Variants in RTN4 observed in about 807,000 individuals in gnomAD.
The protein encoded by RTN4 is reticulon 4.
RTN4 carries 32 observed loss-of-function variants against 90.4 expected under a neutral mutation model. That is an observed-to-expected ratio of 0.35 (90% confidence interval 0.27 to 0.48). The LOEUF (loss-of-function observed/expected upper bound fraction) is 0.48, where lower values mean the gene tolerates loss of function less well. Among genes scored for constraint, RTN4 ranks in the 20% least tolerant of loss-of-function variants. RTN4 has a pLI of 0.99. For synonymous variants in RTN4, 629 were observed against 552.5 expected (o/e 1.14, Z -1.94); for missense variants, 1,706 against 1,430.2 (o/e 1.19, Z -3.11).
rs544577207 is a variant in RTN4 at position 54,972,320 on chromosome 2, ATGTT to A, written c.*832_*835del. The A allele has an allele frequency of 6.6e-6, 1 of 152,670 alleles. No homozygotes were observed. Among genetic ancestry groups the A allele is most frequent in the Non-Finnish European group, 1.5e-5 (1 of 68,032 alleles). 9.5% of individuals were successfully genotyped at this position (152,670 alleles called of 1,614,324 possible). A position where few individuals can be genotyped will look rare whatever the true frequency, so the allele number is the denominator to read the frequency against. ...GTAATTAATAATTTCTTGCATAACAATGTTTGATATTTGCAAACAAACAACATTT... is the reference window on the plus strand; with the variant it reads ...GTAATTAATAATTTCTTGCATAACAATGATATTTGCAAACAAACAACATTT... On this transcript the variant is annotated 3_prime_UTR_variant, in exon 9 of 9. Coordinates refer to ENST00000337526, the MANE Select transcript of RTN4 (RefSeq NM_020532.5).
upstream of RTN4, among the ~76,000 whole-genome samples, chr2:55,117,301 T>C (rs1192207891): frequency 6.6e-6 from 1 of 152,204 alleles, no homozygotes; most frequent in Non-Finnish European, 1.5e-5. Context: ...TGGTTGAATA[T>C]TGGGTTTCGA....
At chr2:55,068,421 C>G (rs1051716324) in intron 2 of RTN4, among the ~76,000 whole-genome samples, 4 of 152,054 alleles carry the variant, frequency 2.6e-5, no homozygotes, top group African/African-American at 9.7e-5. Context: ...ATCATCATTT[C>G]TTGCATCAGA....
At chr2:55,002,665 A>G (rs1481686558) in intron 3 of RTN4, among the ~76,000 whole-genome samples, 3 of 152,120 alleles carry the variant, frequency 2.0e-5, no homozygotes, top group East Asian at 3.9e-4. Flanking sequence ...AACCATGATA[A>G]TTTTCTCTTT....
At chr2:55,083,339 T>C (rs1224071650) in intron 1 of RTN4, among the ~76,000 whole-genome samples, 3 of 152,192 alleles carry the variant, frequency 2.0e-5, no homozygotes, top group African/African-American at 7.2e-5. Flanking sequence ...CTACTAAAAA[T>C]ACAAAAATTA....
At chr2:55,117,303 G>T (rs143815265), upstream of RTN4, among the ~76,000 whole-genome samples, 7 of 152,310 alleles carry the variant, frequency 4.6e-5, no homozygotes, top group African/African-American at 1.7e-4. Flanking sequence ...GTTGAATATT[G>T]GGTTTCGAGG....
intron 3 of RTN4, among the ~76,000 whole-genome samples, chr2:55,009,671 T>C (rs1239548488): frequency 6.6e-6 from 1 of 152,234 alleles, no homozygotes; most frequent in African/African-American, 2.4e-5. Flanking sequence ...AATATCTTGC[T>C]ACCTACAAAC....
chr2:55,112,745 T>C (rs780322363), upstream of RTN4: 6 of 152,270 alleles, frequency 3.9e-5, no homozygotes, highest in Non-Finnish European at 8.8e-5. Flanking sequence ...ACTCCAATTG[T>C]ATCATCAAAA....
At chr2:55,096,523 G>A (rs143988083) in intron 1 of RTN4, among the ~76,000 whole-genome samples, 3 of 152,200 alleles carry the variant, frequency 2.0e-5, no homozygotes, top group Non-Finnish European at 2.9e-5. Flanking sequence ...TATCTCCACA[G>A]TCTCAAGTCT....
chr2:55,107,701 A>C (rs1032042342), intron 1 of RTN4, among the ~76,000 whole-genome samples: 4 of 152,126 alleles, frequency 2.6e-5, no homozygotes, highest in Non-Finnish European at 4.4e-5. Context: ...TGCCCTGGGC[A>C]TCCAGAGGCC....
At chr2:55,137,227 G>C in the RTN4 span, among the ~76,000 whole-genome samples, 1 of 152,204 alleles carries the variant, frequency 6.6e-6, no homozygotes, top group Admixed American at 6.5e-5. Context: ...AAATGCCCCA[G>C]GGCAAGGCAG....
At chr2:54,995,640 C>G (rs1260211413) in intron 3 of RTN4, among the ~76,000 whole-genome samples, 4 of 152,154 alleles carry the variant, frequency 2.6e-5, no homozygotes, top group African/African-American at 9.7e-5. Context: ...TGGCCAGAGC[C>G]TATCCTGACA....
intron 2 of RTN4, among the ~76,000 whole-genome samples, chr2:55,079,062 G>C (rs1438311730): frequency 6.6e-6 from 1 of 152,200 alleles, no homozygotes; most frequent in Admixed American, 6.5e-5. Flanking sequence ...CTGGTGTCTT[G>C]CAAGTGGCTG....
At chr2:54,976,048 T>C (rs1202343374) in intron 5 of RTN4, among the ~76,000 whole-genome samples, 1 of 152,244 alleles carries the variant, frequency 6.6e-6, no homozygotes, top group Non-Finnish European at 1.5e-5. Flanking sequence ...AATATAACTT[T>C]TGCACTTGAG....
chr2:55,111,997 G>C (rs745747515), intron 1 of RTN4, among the ~76,000 whole-genome samples: 2 of 152,118 alleles, frequency 1.3e-5, no homozygotes, highest in Non-Finnish European at 2.9e-5. Flanking sequence ...AGTCTCTGGG[G>C]ATCCTGCTCC....
intron 1 of RTN4, among the ~76,000 whole-genome samples, chr2:55,035,375 C>G (rs144212144): frequency 6.6e-6 from 1 of 151,934 alleles, no homozygotes; most frequent in Non-Finnish European, 1.5e-5. Context: ...AACGAAACTA[C>G]AGAATTCTAA....
At position 55,026,733 on chromosome 2, in the gene RTN4, C is replaced by G. The variant is rs148639122; in HGVS notation, c.1366G>C (p.Asp456His). 1 of 1,613,894 alleles carries G rather than the reference C, an allele frequency of 6.2e-7. No individual in the cohort carries two copies. Among genetic ancestry groups the G allele is most frequent in the Admixed American group, 1.7e-5 (1 of 59,986 alleles). The change falls in exon 3 of 9, where the codon GAT becomes CAT. Residue 456 changes from aspartate (D) to histidine (H), a missense_variant. By Grantham distance (81) the Asp-to-His change is moderately conservative. Coordinates refer to ENST00000337526, the MANE Select transcript of RTN4 (RefSeq NM_020532.5). ...SFPSTPEGIK[D>H]RSGAYITCAP... is the part of the protein sequence containing the mutation. Reference sequence around the variant, plus strand: ...CATGTGATATATGCTCCTGAACGATCCTTTATACCTTCTGGCGTACTGGGG... The same window carrying G: ...CATGTGATATATGCTCCTGAACGATGCTTTATACCTTCTGGCGTACTGGGG...
At chr2:54,981,451 G>T (rs1678120711) in intron 5 of RTN4, among the ~76,000 whole-genome samples, 1 of 152,104 alleles carries the variant, frequency 6.6e-6, no homozygotes, top group African/African-American at 2.4e-5. Flanking sequence ...GAAAAATTAT[G>T]AGAATTACCA....
At chr2:54,999,464 G>T (rs1679695851) in intron 3 of RTN4, among the ~76,000 whole-genome samples, 1 of 152,090 alleles carries the variant, frequency 6.6e-6, no homozygotes, top group South Asian at 2.1e-4. Context: ...CTTTTGTCTG[G>T]GAAGGCGGGG....
chr2:54,990,225 G>C (rs1247309888), intron 3 of RTN4, among the ~76,000 whole-genome samples: 6 of 152,282 alleles, frequency 3.9e-5, no homozygotes, highest in Non-Finnish European at 8.8e-5. Flanking sequence ...CTGCACCCCA[G>C]GGTGACAACA....
Sources: allele counts gnomAD v4.1 joint callset (sites outside exome capture counted in the v4.1 genomes callset), GRCh38; gene constraint gnomAD v4.1.1; transcripts MANE v1.5; gene names NCBI Gene and HGNC (gene_info 2026-07-23, HGNC 2026-07-21).